Variants in MED1 observed in about 807,000 individuals in gnomAD.
MED1 encodes the protein mediator of RNA polymerase II transcription subunit 1.
Under a neutral mutation model 121.3 loss-of-function variants are expected in MED1, and 17 were observed. The ratio of observed to expected loss-of-function variants is 0.14; its 90% confidence interval spans 0.10 to 0.21. MED1 has a LOEUF of 0.21. Among genes scored for constraint, MED1 ranks in the 10% least tolerant of loss-of-function variants. MED1 has a pLI of 1.00. For synonymous variants in MED1, 661 were observed against 694.4 expected, an observed-to-expected ratio of 0.95 and a Z score of 0.76; for missense variants, 1,558 against 1,919.4, an observed-to-expected ratio of 0.81 and a Z score of 3.52.
chr17:39,447,403 A>AC (rs2048738978), intron 2 of MED1, among the ~76,000 whole-genome samples: 1 of 151,564 alleles, frequency 6.6e-6, no homozygotes, highest in Non-Finnish European at 1.5e-5. Flanking sequence ...ATAAAAAAAA[A>AC]AAACAAAAAA....
chr17:39,428,725 G>A (rs2048537598), intron 9 of MED1, among the ~76,000 whole-genome samples: 1 of 152,024 alleles, frequency 6.6e-6, no homozygotes, highest in Non-Finnish European at 1.5e-5. Flanking sequence ...GGCCAAGGTG[G>A]GCAGATCACG....
intron 16 of MED1, among the ~76,000 whole-genome samples, chr17:39,413,912 T>TAAAAAAAA (rs66489961): frequency 1.1e-4 from 8 of 69,842 alleles, no homozygotes; most frequent in Admixed American, 1.9e-4. Context: ...GTAATATCAT[T>TAAAAAAAA]AAAAAAAAAA....
chr17:39,408,684 T>C lies in MED1; in HGVS notation c.3537A>G (p.Ser1179=). 6.2e-7 allele frequency: 1 copy of C among 1,614,218 alleles called. No individual in the cohort carries two copies. Residue 1179 remains serine, a synonymous_variant, in exon 17 of 17, where the codon TCA becomes TCG. Transcript: ENST00000300651. This position sits in a 1 kb window ranked among gnomAD's most constrained non-coding sequence, Gnocchi z 4.7. The part of the protein sequence containing the change: ...STKMKPQGKP[S]SLMNPSLSKP... Reference sequence around the variant, plus strand: ...TACTTAAAGAAGGATTCATAAGTGATGATGGCTTTCCTTGAGGTTTCATCT... The same window carrying C: ...TACTTAAAGAAGGATTCATAAGTGACGATGGCTTTCCTTGAGGTTTCATCT...
chr17:39,409,982 T>G lies in MED1; in HGVS notation c.2239A>C (p.Thr747Pro). The change falls in exon 17 of 17, where the codon ACT (threonine) becomes CCT (proline). Residue 747 changes from threonine to proline, a missense_variant. Physicochemically the swap from Thr to Pro is conservative, Grantham distance 38. This residue lies in a region of MED1 where 793 missense variants were observed against 898.2 expected (regional missense o/e 0.88). Transcript: ENST00000300651. ...HITPAPSQCS[T>P]PPTTYPQPVP... Reference sequence around the variant, plus strand: ...GGTTGTGGGTAAGTTGTTGGGGGAGTGCTACACTGGCTTGGAGCTGGAGTG... The same window carrying G: ...GGTTGTGGGTAAGTTGTTGGGGGAGGGCTACACTGGCTTGGAGCTGGAGTG... 6.2e-7 allele frequency: 1 copy of G among 1,613,760 alleles called. No homozygotes were observed. Among genetic ancestry groups the G allele is most frequent in the Non-Finnish European group, 8.5e-7 (1 of 1,179,958 alleles).
chr17:39,434,145 G>T lies in MED1; in HGVS notation c.500+104C>A, dbSNP rs532888413. 5 of 703,886 alleles carry T rather than the reference G, an allele frequency of 7.1e-6. No individual in the cohort carries two copies. In the Middle Eastern group the frequency reaches 7.3e-4, roughly 103 times the overall value. The allele number at this position is 703,886 out of a possible 1,614,324, so 43.6% of individuals were successfully genotyped here. The stretch of plus-strand genomic sequence containing the variant: ...CAGATTGCAGTATAAGTAGAAACTA[G>T]GAGTGACAAACAGCAGAAGAGGTGG... On this transcript the variant is annotated intron_variant, in intron 7 of 16. Transcript: ENST00000300651.
Position 39,451,076 on chromosome 17 carries a change from A to G in MED1, c.-14T>C. 1.2e-6 allele frequency: 2 copies of G among 1,610,238 alleles called. No homozygotes were observed. The highest frequency in any genetic ancestry group is 8.5e-7 in the Non-Finnish European group (1 of 1,178,530). On this transcript the variant is annotated 5_prime_UTR_variant, in exon 1 of 17. Coordinates refer to ENST00000300651, the MANE Select transcript of MED1 (RefSeq NM_004774.4). Reference sequence around the variant, plus strand: ...CTGAGCTTTCATCCTGAAGGCGAGGAGAAGCTAGATCCGCCACAAAAGGAT... The same window carrying G: ...CTGAGCTTTCATCCTGAAGGCGAGGGGAAGCTAGATCCGCCACAAAAGGAT...
At position 39,409,375 on chromosome 17, in the gene MED1, T is replaced by G; in HGVS notation, c.2846A>C (p.His949Pro). 6.2e-7 allele frequency: 1 copy of G among 1,614,150 alleles called. No homozygotes were observed. Among genetic ancestry groups the G allele is most frequent in the Non-Finnish European group, 8.5e-7 (1 of 1,180,032 alleles). Residue 949 changes from histidine to proline, a missense_variant, in exon 17 of 17, where the codon CAT becomes CCT. Physicochemically the swap from His to Pro is moderately conservative, Grantham distance 77 (BLOSUM62 -2). This residue lies in a region of MED1 where 793 missense variants were observed against 898.2 expected (regional missense o/e 0.88). Transcript: ENST00000300651. ...TAAAGGACCCTGACTACCACTGTGA[T>G]GCTCCATAAGATCTGCAGGAGCTAA... Reference protein sequence around the residue: ...KALAPADLMEHHSGSQGPLLT... With the variant: ...KALAPADLMEPHSGSQGPLLT...
chr17:39,421,866 C>A lies in MED1; in HGVS notation c.1095+1461G>T, dbSNP rs114979107. ...TCACCCCGCCAGGCAAGGTGGCTCA[C>A]GCCTGCAATCCTAGCACTTTGGGAG... On this transcript the variant is annotated intron_variant, in intron 13 of 16. Transcript: ENST00000300651. Among the ~76,000 whole-genome samples the A allele has an allele frequency of 9.6e-3, 1,465 of 151,996 alleles. 30 individuals carry two copies. The highest frequency in any genetic ancestry group is 0.033 in the African/African-American group (1,384 of 41,508).
chr17:39,410,313 G>A lies in MED1; in HGVS notation c.1908C>T (p.Ala636=), dbSNP rs550778038. Residue 636 remains alanine, a synonymous_variant, in exon 17 of 17, where the codon GCC becomes GCT. Coordinates refer to ENST00000300651, the MANE Select transcript of MED1 (RefSeq NM_004774.4). ...GCATCGGGTGGTTCTTGGTGTTGCC[G>A]GCCATCGAAGAGACAGGTGGCGGCG... ...HHTPPPVSSM[A]GNTKNHPMLM... 24 of 1,613,864 alleles carry A rather than the reference G, an allele frequency of 1.5e-5. No homozygotes were observed. In the South Asian group the frequency reaches 2.0e-4, roughly 13 times the overall value.
Position 39,440,013 on chromosome 17 carries a change from GGAAGGAAAGAAA to G in MED1, c.399+361_399+372del, listed in dbSNP as rs1203772607. ...AGGAAGGAAGGAAGGAAGGAAGGAA[GGAAGGAAAGAAA>G]GAAAGAAAGAGAGAAAGAGAAAGAA... On this transcript the variant is annotated intron_variant, in intron 5 of 16. Coordinates refer to ENST00000300651, the MANE Select transcript of MED1 (RefSeq NM_004774.4). The surrounding 1 kb of genome is among the most constrained non-coding windows in gnomAD (Gnocchi z 4.1). Among the ~76,000 whole-genome samples the G allele has an allele frequency of 7.9e-6, 1 of 126,386 alleles. No individual in the cohort carries two copies. Among genetic ancestry groups the G allele is most frequent in the Non-Finnish European group, 1.7e-5 (1 of 58,220 alleles). 82.9% of individuals were successfully genotyped at this position (126,386 alleles called of 152,430 possible).
intron 1 of MED1, 75 bp downstream of exon 1, chr17:39,450,963 T>C (rs2048776685): frequency 1.4e-6 from 2 of 1,416,844 alleles, no homozygotes; most frequent in Non-Finnish European, 2.0e-6. Flanking sequence ...CCATGGGACA[T>C]CTGCAAGAAC....
chr17:39,406,707 T>G lies in MED1; in HGVS notation c.*768A>C. On this transcript the variant is annotated 3_prime_UTR_variant, in exon 17 of 17. Transcript: ENST00000300651. The stretch of plus-strand genomic sequence containing the variant: ...TTGGTTTTTCTATTATATTTAACTC[T>G]AAAGGCGGGCTCTGACTAATTTGCT... The G allele has an allele frequency of 1.0e-6, 1 of 985,420 alleles. No homozygotes were observed. Among genetic ancestry groups the G allele is most frequent in the Non-Finnish European group, 1.2e-6 (1 of 829,852 alleles). 61.0% of individuals were successfully genotyped at this position (985,420 alleles called of 1,614,324 possible).
intron 1 of MED1, among the ~76,000 whole-genome samples, chr17:39,449,471 A>G (rs192737962): frequency 2.7e-5 from 4 of 150,556 alleles, no homozygotes; most frequent in Admixed American, 2.7e-4. Flanking sequence ...TTGAGCCACT[A>G]CCTGGAGCTA....
chr17:39,415,043 A>G lies in MED1; in HGVS notation c.1482T>C (p.Ile494=). Residue 494 remains isoleucine (I), a synonymous_variant, in exon 16 of 17, where the codon ATT becomes ATC. Transcript: ENST00000300651. ...AAGGCTACCTTTGAACAACTTTGGCAATGAAGTCATCTGTGCAGATCAGTG... is the reference window on the plus strand; with the variant it reads ...AAGGCTACCTTTGAACAACTTTGGCGATGAAGTCATCTGTGCAGATCAGTG... The part of the protein sequence containing the change: ...SDALICTDDF[I]AKVVQRCMSI... 1 of 1,614,092 alleles carries G rather than the reference A, an allele frequency of 6.2e-7. No homozygotes were observed. Among genetic ancestry groups the G allele is most frequent in the Non-Finnish European group, 8.5e-7 (1 of 1,179,944 alleles).
intron 9 of MED1, among the ~76,000 whole-genome samples, chr17:39,429,662 C>CT (rs1322202826): frequency 1.5e-5 from 2 of 137,654 alleles, no homozygotes; most frequent in African/African-American, 5.4e-5. Context: ...CGCCACTGCA[C>CT]TCCAGCCTGG....
At chr17:39,427,140 A>T (rs1340739849) in intron 10 of MED1, among the ~76,000 whole-genome samples, 1 of 152,016 alleles carries the variant, frequency 6.6e-6, no homozygotes, top group Non-Finnish European at 1.5e-5. Flanking sequence ...GATCGTTTAT[A>T]TCTCTTCTTA....
intron 6 of MED1, among the ~76,000 whole-genome samples, chr17:39,438,378 C>T (rs1357895169): frequency 3.1e-5 from 4 of 129,516 alleles, no homozygotes; most frequent in Admixed American, 1.9e-4. Context: ...GCGTCTTGCT[C>T]TGTCGCCCAG....
rs1440801095 is a variant in MED1, at chr17:39,432,006, T to C, written c.511A>G (p.Thr171Ala). ...YNLPGDNKLK[T>A]KMYLALQSLE... is the part of the protein sequence containing the mutation. ...GATTGGAGAGCCAAGTACATTTTAG[T>C]CTTCAGTTTGCTGGAGAGTAGATGA... The change falls in exon 8 of 17, where the codon ACT (threonine) becomes GCT (alanine). Residue 171 changes from threonine (T) to alanine (A), a missense_variant. Physicochemically the swap from Thr to Ala is moderately conservative, Grantham distance 58 (BLOSUM62 0). Around this residue, in one of 5 missense-constraint regions of MED1, gnomAD observed 443 missense variants for 532.4 expected, o/e 0.83. Coordinates refer to ENST00000300651, the MANE Select transcript of MED1 (RefSeq NM_004774.4). 1 of 1,606,906 alleles carries C rather than the reference T, an allele frequency of 6.2e-7. No homozygotes were observed. The highest frequency in any genetic ancestry group is 2.2e-5 in the East Asian group (1 of 44,840).
rs1300174706 is a variant in MED1 at position 39,408,412 on chromosome 17, G to A, written c.3809C>T (p.Ser1270Phe). 1 of 1,614,170 alleles carries A rather than the reference G, an allele frequency of 6.2e-7. No individual in the cohort carries two copies. The highest frequency in any genetic ancestry group is 2.2e-5 in the East Asian group (1 of 44,884). The change falls in exon 17 of 17, where the codon TCC becomes TTC. Residue 1270 changes from serine to phenylalanine, a missense_variant. By Grantham distance (155) the Ser-to-Phe change is radical. Coordinates refer to ENST00000300651, the MANE Select transcript of MED1 (RefSeq NM_004774.4). This position sits in a 1 kb window ranked among gnomAD's most constrained non-coding sequence, Gnocchi z 4.7. ...PPSSNSCTASSSSFSSSGSSM... is the reference protein window; with the variant it reads ...PPSSNSCTASFSSFSSSGSSM... ...AGAGCCACTTGAGGAAAAGGAGGAG[G>A]AAGATGCCGTACAGGAATTAGATGA... is the stretch of plus-strand genomic sequence containing the variant.
Sources: allele counts gnomAD v4.1 joint callset (sites outside exome capture counted in the v4.1 genomes callset), GRCh38; gene constraint gnomAD v4.1.1; regional missense constraint gnomAD v4.1.1; non-coding constraint Gnocchi (gnomAD v3.1); transcripts MANE v1.5; gene names NCBI Gene and HGNC (gene_info 2026-07-23, HGNC 2026-07-21).